Variants in GPC5 observed in about 807,000 individuals in gnomAD.
The protein encoded by GPC5 is glypican-5.
GPC5 carries 47 observed loss-of-function variants against 53.9 expected under a neutral mutation model. The observed-to-expected ratio is 0.87, with a 90% CI of 0.69 to 1.11. The LOEUF (loss-of-function observed/expected upper bound fraction) is 1.11. Among genes scored for constraint, GPC5 ranks in the 50% most tolerant of loss-of-function variants. The pLI is 0.00. For synonymous variants in GPC5, 286 were observed against 263.3 expected (o/e 1.09, Z -0.84); for missense variants, 748 against 713.1 (o/e 1.05, Z -0.56).
chr13:91,656,798 A>G (rs375427421), intron 2 of GPC5, among the ~76,000 whole-genome samples: 3 of 152,280 alleles, frequency 2.0e-5, no homozygotes, highest in South Asian at 4.1e-4. Context: ...TGCTATACCA[A>G]TTGTGTTTGT....
At chr13:91,751,348 C>A (rs570840867) in intron 4 of GPC5, among the ~76,000 whole-genome samples, 1 of 152,076 alleles carries the variant, frequency 6.6e-6, no homozygotes, top group Non-Finnish European at 1.5e-5. Context: ...TTGTAGCAAC[C>A]GTGAGAGACT....
intron 7 of GPC5, among the ~76,000 whole-genome samples, chr13:92,793,135 G>T (rs751144735): frequency 2.6e-5 from 4 of 152,022 alleles, no homozygotes; most frequent in Admixed American, 6.6e-5. Context: ...ATAGTTGGAA[G>T]TAAAGCTCTC....
chr13:91,638,835 T>TA (rs1247394126), intron 2 of GPC5, among the ~76,000 whole-genome samples: 3 of 152,200 alleles, frequency 2.0e-5, no homozygotes, highest in African/African-American at 7.2e-5. Context: ...TCCTATTTTC[T>TA]AAAAAATTAT....
chr13:92,124,271 A>T (rs1297006455), intron 6 of GPC5, among the ~76,000 whole-genome samples: 1 of 151,246 alleles, frequency 6.6e-6, no homozygotes, highest in South Asian at 2.1e-4. Flanking sequence ...AAAAAAAAAA[A>T]AACTAGTTCT....
chr13:92,064,971 A>G (rs1192854075), intron 6 of GPC5, among the ~76,000 whole-genome samples: 1 of 152,090 alleles, frequency 6.6e-6, no homozygotes, highest in African/African-American at 2.4e-5. Flanking sequence ...TGAATACAAC[A>G]ATCAGCATAA....
rs367659013 is a variant in GPC5, at chr13:91,923,903, A to G, written c.1401+15846A>G. Among the ~76,000 whole-genome samples the G allele has an allele frequency of 2.0e-5, 3 of 152,258 alleles. No individual in the cohort carries two copies. The East Asian group carries it at 5.8e-4, about 29-fold the overall frequency. ...TTATGAAAATACAATTTTAATTCAT[A>G]AGACATATATAACAAAGCAAGATAG... On this transcript the variant is annotated intron_variant, in intron 6 of 7. Transcript: ENST00000377067.
intron 7 of GPC5, among the ~76,000 whole-genome samples, chr13:92,385,580 A>ACATGTATGC (rs1232663607): frequency 2.3e-5 from 2 of 85,238 alleles, no homozygotes; most frequent in Admixed American, 2.6e-4. Context: ...ACGCATATAT[A>ACATGTATGC]ATATATACGC....
At chr13:91,571,769 G>GTATATATACACACATATACGTGTGTGTA (rs745565068) in intron 2 of GPC5, among the ~76,000 whole-genome samples, 3,833 of 114,118 alleles carry the variant, frequency 0.034, 829 homozygotes, top group African/African-American at 0.075. Flanking sequence ...ATGTGTATGT[G>GTATATATACACACATATACGTGTGTGTA]TATATACACA....
intron 7 of GPC5, among the ~76,000 whole-genome samples, chr13:92,242,232 CAAAAAAA>C (rs752173365): frequency 1.2e-5 from 1 of 81,878 alleles, no homozygotes; most frequent in Non-Finnish European, 2.8e-5. Flanking sequence ...GACTCTGTCT[CAAAAAAA>C]AAAAAAAAAA....
chr13:92,839,819 C>A (rs1474382499), intron 7 of GPC5, among the ~76,000 whole-genome samples: 2 of 151,808 alleles, frequency 1.3e-5, no homozygotes, highest in African/African-American at 4.8e-5. Flanking sequence ...CAATGTATTC[C>A]TTTTTACCCA....
intron 7 of GPC5, among the ~76,000 whole-genome samples, chr13:92,168,656 G>A (rs1343800715): frequency 1.3e-5 from 2 of 152,114 alleles, no homozygotes; most frequent in African/African-American, 4.8e-5. Flanking sequence ...CAGTCAGAAT[G>A]GTGATTATTA....
chr13:91,623,310 A>G lies in GPC5; in HGVS notation c.326-69877A>G, dbSNP rs55829460. On this transcript the variant is annotated intron_variant, in intron 2 of 7. Coordinates refer to ENST00000377067, the MANE Select transcript of GPC5 (RefSeq NM_004466.6). ...AATCCACAAAGTGTCAGTGGTGCCC[A>G]GCAAGATTTATTTGGTGACAGTCTG... Among the ~76,000 whole-genome samples, 1,252 of 152,284 alleles carry G rather than the reference A, an allele frequency of 8.2e-3. 20 individuals are homozygous for G. The highest frequency in any genetic ancestry group is 0.028 in the African/African-American group (1,177 of 41,556).
At chr13:91,531,535 A>G (rs1336221) in intron 2 of GPC5, among the ~76,000 whole-genome samples, 132,706 of 152,188 alleles carry the variant, frequency 0.87, 58,880 homozygotes, top group East Asian at 1. Context: ...GACTCCTTTA[A>G]GAACTTGTTC....
At chr13:92,241,709 T>G (rs1369157568) in intron 7 of GPC5, 1 of 152,176 alleles carries the variant, frequency 6.6e-6, no homozygotes. Flanking sequence ...AAAATACATA[T>G]GTCTTTGAGG....
intron 7 of GPC5, among the ~76,000 whole-genome samples, chr13:92,476,763 A>G (rs1311788898): frequency 6.7e-6 from 1 of 149,208 alleles, no homozygotes; most frequent in Non-Finnish European, 1.5e-5. Context: ...ATGAAATTGG[A>G]AATCATCATT....
At chr13:92,351,302 T>C (rs544559938) in intron 7 of GPC5, among the ~76,000 whole-genome samples, 1 of 151,992 alleles carries the variant, frequency 6.6e-6, no homozygotes, top group Admixed American at 6.6e-5. Flanking sequence ...TATATATAAT[T>C]TTTAAAAATT....
At chr13:92,785,395 T>C (rs1039143665) in intron 7 of GPC5, among the ~76,000 whole-genome samples, 3 of 152,202 alleles carry the variant, frequency 2.0e-5, no homozygotes, top group Admixed American at 2.0e-4. Flanking sequence ...CCCAAGCTTT[T>C]AAGGCATGTC....
At chr13:91,908,812 A>G (rs2039581198) in intron 6 of GPC5, among the ~76,000 whole-genome samples, 1 of 152,078 alleles carries the variant, frequency 6.6e-6, no homozygotes, top group Admixed American at 6.6e-5. Context: ...TTATATTTGA[A>G]CATACTTTCA....
chr13:91,606,794 T>A (rs1012857541), intron 2 of GPC5, among the ~76,000 whole-genome samples: 35 of 152,192 alleles, frequency 2.3e-4, no homozygotes, highest in African/African-American at 8.0e-4. Context: ...GTGGGATCGG[T>A]GGTGATATCC....
Sources: allele counts gnomAD v4.1 joint callset (sites outside exome capture counted in the v4.1 genomes callset), GRCh38; gene constraint gnomAD v4.1.1; transcripts MANE v1.5; gene names NCBI Gene and HGNC (gene_info 2026-07-23, HGNC 2026-07-21).